The following SLC2A9 variants were observed in gnomAD, a reference collection of about 807,000 sequenced individuals.
The protein encoded by SLC2A9 is solute carrier family 2 member 9, also known as solute carrier family 2, facilitated glucose transporter member 9.
SLC2A9 carries 39 observed loss-of-function variants against 50.6 expected under a neutral mutation model. The ratio of observed to expected loss-of-function variants is 0.77; its 90% CI spans 0.60 to 1.01. SLC2A9 has a LOEUF of 1.01. SLC2A9 is among the 50% of genes least tolerant of loss of function. SLC2A9 has a pLI of 0.00. For synonymous variants in SLC2A9, 324 were observed against 276.9 expected, an observed-to-expected ratio of 1.17 and a Z score of -1.69; for missense variants, 686 against 677.6, an observed-to-expected ratio of 1.01 and a Z score of -0.14.
intron 10 of SLC2A9, among the ~76,000 whole-genome samples, chr4:9,852,293 C>T (rs371389339): frequency 8.1e-4 from 123 of 151,244 alleles, no homozygotes; most frequent in African/African-American, 2.5e-3. Flanking sequence ...TCGCCCAGGC[C>T]GGACTGCGGA....
chr4:9,776,716 T>C (rs112030510), downstream of SLC2A9, among the ~76,000 whole-genome samples: 77 of 152,310 alleles, frequency 5.1e-4, no homozygotes, highest in African/African-American at 1.8e-3. Flanking sequence ...TGGTGTTTCC[T>C]GTCATCCCTG....
intron 5 of SLC2A9, among the ~76,000 whole-genome samples, chr4:9,971,120 C>G (rs1418199410): frequency 2.4e-4 from 37 of 152,178 alleles, no homozygotes; most frequent in Admixed American, 1.8e-3. Context: ...TGCCGATGCT[C>G]CCAGCTGAAT....
chr4:9,912,353 C>A (rs189758336), intron 7 of SLC2A9, among the ~76,000 whole-genome samples: 1 of 151,942 alleles, frequency 6.6e-6, no homozygotes, highest in African/African-American at 2.4e-5. Flanking sequence ...GCTAGGAATG[C>A]ACCTCTGGGT....
intron 3 of SLC2A9, among the ~76,000 whole-genome samples, chr4:9,808,826 G>T (rs1399028547): frequency 6.6e-6 from 1 of 152,100 alleles, no homozygotes; most frequent in Non-Finnish European, 1.5e-5. Context: ...TGTGGACTTG[G>T]GGTCACAGCT....
intron 5 of SLC2A9, among the ~76,000 whole-genome samples, chr4:9,964,030 C>T (rs921570665): frequency 6.6e-6 from 1 of 152,170 alleles, no homozygotes; most frequent in African/African-American, 2.4e-5. Flanking sequence ...TCATACGGAC[C>T]TGGCACGTCA....
At chr4:10,014,184 C>A (rs530298912) in intron 2 of SLC2A9, among the ~76,000 whole-genome samples, 1 of 152,270 alleles carries the variant, frequency 6.6e-6, no homozygotes, top group South Asian at 2.1e-4. Flanking sequence ...GGCTGCCTCA[C>A]TCACCCGTTT....
intron 10 of SLC2A9, among the ~76,000 whole-genome samples, chr4:9,876,374 C>T (rs1734322342): frequency 6.6e-6 from 1 of 152,184 alleles, no homozygotes; most frequent in Non-Finnish European, 1.5e-5. Context: ...GGGAGGATAA[C>T]TTGAGCCCAG....
intron 5 of SLC2A9, among the ~76,000 whole-genome samples, chr4:9,953,791 T>TTTTGTTTG (rs55668476): frequency 6.6e-6 from 1 of 151,100 alleles, no homozygotes; most frequent in Non-Finnish European, 1.5e-5. Context: ...CCCAGCTAAA[T>TTTTGTTTG]TTTGTTTGTT....
chr4:10,032,303 G>A (rs1763962873), intron 1 of SLC2A9, among the ~76,000 whole-genome samples: 1 of 152,114 alleles, frequency 6.6e-6, no homozygotes, highest in Non-Finnish European at 1.5e-5. Flanking sequence ...TGGGTTGGGT[G>A]GGGGTCCAGG....
At chr4:9,989,392 A>G (rs770739109) in intron 3 of SLC2A9, among the ~76,000 whole-genome samples, 3 of 152,148 alleles carry the variant, frequency 2.0e-5, no homozygotes, top group Non-Finnish European at 4.4e-5. Flanking sequence ...TCTCTCCTAG[A>G]GGACTATTTC....
downstream of SLC2A9, chr4:9,826,175 GA>G: frequency 1.8e-6 from 1 of 559,484 alleles, no homozygotes; most frequent in East Asian, 3.1e-5. Flanking sequence ...GCAGCTTCCA[GA>G]AGGGTTTGGG....
upstream of SLC2A9, among the ~76,000 whole-genome samples, chr4:10,024,277 G>GAT (rs1448092694): frequency 6.6e-6 from 1 of 152,190 alleles, no homozygotes; most frequent in African/African-American, 2.4e-5. Flanking sequence ...TCAATGGGCT[G>GAT]ATTGTGTCCC....
chr4:9,826,857 G>T (rs1725225237), intron 11 of SLC2A9, among the ~76,000 whole-genome samples: 1 of 152,080 alleles, frequency 6.6e-6, no homozygotes, highest in African/African-American at 2.4e-5. Context: ...TGCAAATTTG[G>T]CATTTAAAAA....
At chr4:9,808,040 T>A (rs1387261273) in intron 3 of SLC2A9, among the ~76,000 whole-genome samples, 1 of 152,244 alleles carries the variant, frequency 6.6e-6, no homozygotes, top group East Asian at 1.9e-4. Flanking sequence ...TAGATAACAC[T>A]GCCATCGTGG....
At position 9,950,761 on chromosome 4, in the gene SLC2A9, C is replaced by T. The variant is rs1304127612; in HGVS notation, c.682-8716G>A. On this transcript the variant is annotated intron_variant, in intron 5 of 11. Coordinates refer to ENST00000264784, the MANE Select transcript of SLC2A9 (RefSeq NM_020041.3). ...ACAAAAAATTAGCCGGGCGTGGTAGCGGGCGCCTGTAGTCTCAGCTACTCG... is the reference window on the plus strand; with the variant it reads ...ACAAAAAATTAGCCGGGCGTGGTAGTGGGCGCCTGTAGTCTCAGCTACTCG... Among the ~76,000 whole-genome samples the T allele has an allele frequency of 1.3e-3, 44 of 32,994 alleles. 13 individuals are homozygous for T. The East Asian group carries it at 0.036, about 27-fold the overall frequency. 21.6% of individuals were successfully genotyped at this position (32,994 alleles called of 152,430 possible).
chr4:9,978,269 T>C (rs1354512655), intron 5 of SLC2A9, among the ~76,000 whole-genome samples: 1 of 152,100 alleles, frequency 6.6e-6, no homozygotes, highest in Non-Finnish European at 1.5e-5. Flanking sequence ...AGCTCCAGAA[T>C]CAACTCAATG....
chr4:9,907,069 C>A (rs977796775), intron 8 of SLC2A9, among the ~76,000 whole-genome samples: 2 of 152,242 alleles, frequency 1.3e-5, no homozygotes, highest in Admixed American at 1.3e-4. Flanking sequence ...TGCCTGTTTG[C>A]ATGGGCATCA....
At chr4:9,799,171 A>C (rs1433850029) in exon 4 of SLC2A9, 1 of 152,250 alleles carries the variant, frequency 6.6e-6, no homozygotes, top group African/African-American at 2.4e-5. Flanking sequence ...AGACCAGCCA[A>C]GCAGAGCTGG....
chr4:10,026,078 T>C, upstream of SLC2A9: 1 of 1,121,986 alleles, frequency 8.9e-7, no homozygotes, highest in South Asian at 1.3e-5. Context: ...GGAGGTGGCC[T>C]GGAGCAGTCT....
Sources: allele counts gnomAD v4.1 joint callset (sites outside exome capture counted in the v4.1 genomes callset), GRCh38; gene constraint gnomAD v4.1.1; transcripts MANE v1.5; gene names NCBI Gene and HGNC (gene_info 2026-07-23, HGNC 2026-07-21).